Variants in WWP1 observed in about 807,000 individuals in gnomAD.
WWP1 encodes the protein WW domain containing E3 ubiquitin protein ligase 1, also known as NEDD4-like E3 ubiquitin-protein ligase WWP1.
WWP1 carries 49 observed loss-of-function variants against 130.6 expected under a neutral mutation model. That is an observed-to-expected ratio of 0.38 (90% CI 0.30 to 0.48). WWP1 has a LOEUF of 0.48. Ranked by LOEUF, WWP1 falls within the 20% of genes least tolerant of loss-of-function variation. The probability of loss-of-function intolerance (pLI) is 0.99; values close to 1 mark genes in which losing one functional copy is unlikely to be tolerated. For synonymous variants in WWP1, 332 were observed against 367.8 expected (o/e 0.90, Z 1.11); for missense variants, 809 against 1,100.6 (o/e 0.74, Z 3.75).
At chr8:86,439,081 C>G (rs759705335) in intron 17 of WWP1, among the ~76,000 whole-genome samples, 1 of 151,230 alleles carries the variant, frequency 6.6e-6, no homozygotes, top group Admixed American at 6.6e-5. Flanking sequence ...TGGTGGCTTA[C>G]GCCTGTAATC....
At position 86,375,063 on chromosome 8, in the gene WWP1, C is replaced by A. The variant is rs192125899; in HGVS notation, c.70+943C>A. Among the ~76,000 whole-genome samples, 1,374 of 152,064 alleles carry A rather than the reference C, an allele frequency of 9.0e-3. 22 individuals carry two copies. The highest frequency in any genetic ancestry group is 0.032 in the African/African-American group (1,308 of 41,468). ...ACATTATCATAATATCTGTTTTTAT[C>A]CTACTACACCAGTTCAAAATAACAT... On this transcript the variant is annotated intron_variant, in intron 3 of 24. Transcript: ENST00000517970.
chr8:86,427,534 A>G, intron 10 of WWP1, 109 bp from the exon 11 acceptor site: 1 of 1,124,034 alleles, frequency 8.9e-7, no homozygotes, highest in African/African-American at 1.6e-5. Flanking sequence ...TATATGTTTT[A>G]GTTATTTTAA....
At chr8:86,373,888 C>G (rs1484135788) in intron 2 of WWP1, 142 bp from the exon 3 acceptor site, 2 of 570,684 alleles carry the variant, frequency 3.5e-6, no homozygotes, top group Non-Finnish European at 5.8e-6. Flanking sequence ...TTAGGGTTTT[C>G]TTTTAATGGG....
intron 9 of WWP1, among the ~76,000 whole-genome samples, chr8:86,417,875 G>A (rs541665788): frequency 3.3e-5 from 5 of 152,254 alleles, no homozygotes; most frequent in African/African-American, 1.2e-4. Flanking sequence ...AGCAGGGCAG[G>A]AGAGCTCAAG....
intron 16 of WWP1, 121 bp downstream of exon 16, chr8:86,435,825 G>A: frequency 4.6e-6 from 4 of 877,958 alleles, no homozygotes; most frequent in Non-Finnish European, 6.9e-6. Flanking sequence ...AATAATGACT[G>A]CCACCACCAC....
At chr8:86,414,227 C>CTGTGTGTGTG (rs35397366) in intron 9 of WWP1, among the ~76,000 whole-genome samples, 2 of 150,946 alleles carry the variant, frequency 1.3e-5, no homozygotes, top group Middle Eastern at 3.2e-3. Flanking sequence ...GTTTGTTTTT[C>CTGTGTGTGTG]TGTGTGTGTG....
chr8:86,422,664 C>G (rs772893498), intron 9 of WWP1, among the ~76,000 whole-genome samples: 1 of 151,972 alleles, frequency 6.6e-6, no homozygotes, highest in Non-Finnish European at 1.5e-5. Flanking sequence ...TGAGCCACCA[C>G]GCCCGGCCCA....
At chr8:86,406,494 T>C (rs1279621579) in intron 8 of WWP1, among the ~76,000 whole-genome samples, 1 of 152,198 alleles carries the variant, frequency 6.6e-6, no homozygotes, top group Admixed American at 6.5e-5. Flanking sequence ...GAAGTAATTA[T>C]AAATAAACAG....
At chr8:86,400,643 G>A (rs1200003233) in intron 7 of WWP1, among the ~76,000 whole-genome samples, 1 of 152,168 alleles carries the variant, frequency 6.6e-6, no homozygotes, top group African/African-American at 2.4e-5. Flanking sequence ...TAACTCTAGA[G>A]AATAATATTT....
At chr8:86,357,975 A>G in intron 1 of WWP1, among the ~76,000 whole-genome samples, 1 of 152,156 alleles carries the variant, frequency 6.6e-6, no homozygotes, top group East Asian at 1.9e-4. Context: ...TTTGTGTTGT[A>G]TTCCAAGAAG....
chr8:86,387,100 T>G (rs1825328427), intron 5 of WWP1: 2 of 152,242 alleles, frequency 1.3e-5, no homozygotes, highest in African/African-American at 2.4e-5. Flanking sequence ...TAGTAGTGAT[T>G]AAGTTTCAAC....
intron 8 of WWP1, among the ~76,000 whole-genome samples, chr8:86,409,612 A>G (rs1375116366): frequency 6.6e-6 from 1 of 151,592 alleles, no homozygotes; most frequent in Non-Finnish European, 1.5e-5. Context: ...GTAATCCCAG[A>G]ACTTTGGGAG....
intron 8 of WWP1, among the ~76,000 whole-genome samples, chr8:86,408,714 G>A (rs57326273): frequency 0.31 from 46,804 of 152,042 alleles, 8,909 homozygotes; most frequent in Middle Eastern, 0.45. Context: ...TCAGGAGTTC[G>A]AGTCCAGCCT....
intron 5 of WWP1, among the ~76,000 whole-genome samples, chr8:86,382,347 GGA>G (rs1825030433): frequency 6.6e-6 from 1 of 152,126 alleles, no homozygotes; most frequent in Non-Finnish European, 1.5e-5. Flanking sequence ...GTAATTCTGG[GGA>G]GAGGGTTCAT....
At chr8:86,361,979 T>TATATATATACATATATATACACAC (rs1369186558) in intron 1 of WWP1, among the ~76,000 whole-genome samples, 6,440 of 113,056 alleles carry the variant, frequency 0.057, 265 homozygotes, top group Non-Finnish European at 0.086. Context: ...TGTGTGTATA[T>TATATATATACATATATATACACAC]ATATATATAT....
chr8:86,394,533 G>GT (rs1189678494), intron 5 of WWP1, among the ~76,000 whole-genome samples: 3 of 152,160 alleles, frequency 2.0e-5, no homozygotes, highest in Non-Finnish European at 1.5e-5. Flanking sequence ...TCTTTTAGTG[G>GT]TAAGTGCATT....
At chr8:86,400,344 A>T (rs770103456) in intron 7 of WWP1, among the ~76,000 whole-genome samples, 6 of 152,208 alleles carry the variant, frequency 3.9e-5, no homozygotes, top group East Asian at 3.9e-4. Flanking sequence ...GGGGGAAAAA[A>T]ATAAATAAAT....
intron 1 of WWP1, among the ~76,000 whole-genome samples, chr8:86,358,062 A>C (rs879342066): frequency 1.3e-5 from 2 of 152,184 alleles, no homozygotes; most frequent in Admixed American, 1.3e-4. Flanking sequence ...AGTGTTTGGA[A>C]TGTTTAATTA....
intron 16 of WWP1, 111 bp from the exon 17 acceptor site, chr8:86,438,474 A>G (rs183490470): frequency 2.6e-6 from 2 of 783,318 alleles, no homozygotes; most frequent in East Asian, 2.8e-5. Context: ...AAAGCATTGT[A>G]TAAGATAAGG....
Sources: allele counts gnomAD v4.1 joint callset (sites outside exome capture counted in the v4.1 genomes callset), GRCh38; gene constraint gnomAD v4.1.1; transcripts MANE v1.5; gene names NCBI Gene and HGNC (gene_info 2026-07-23, HGNC 2026-07-21).